MNAT1: variants seen among roughly 807,000 people sequenced by gnomAD.
MNAT1 encodes the protein CDK-activating kinase assembly factor MAT1.
A neutral mutation model predicts 42.0 loss-of-function variants in MNAT1; 43 were observed. That is an observed-to-expected ratio of 1.02 (90% confidence interval 0.80 to 1.32). MNAT1 has a LOEUF of 1.32. Among genes scored for constraint, MNAT1 ranks in the 40% most tolerant of loss-of-function variants. MNAT1 has a pLI of 0.00. For synonymous variants in MNAT1, 118 were observed against 120.0 expected (o/e 0.98, Z 0.11); for missense variants, 306 against 350.4 (o/e 0.87, Z 1.01).
intron 7 of MNAT1, among the ~76,000 whole-genome samples, chr14:60,946,055 C>A (rs1288859642): frequency 6.6e-6 from 1 of 152,182 alleles, no homozygotes; most frequent in Non-Finnish European, 1.5e-5. Flanking sequence ...GCTTTTGAGG[C>A]CAGTCCCACC....
intron 1 of MNAT1, among the ~76,000 whole-genome samples, chr14:60,741,970 T>C (rs1180572172): frequency 1.3e-5 from 2 of 152,138 alleles, no homozygotes; most frequent in Admixed American, 1.3e-4. Context: ...CATGTTTCCT[T>C]GTATTCCTTT....
intron 5 of MNAT1, among the ~76,000 whole-genome samples, chr14:60,818,488 A>G (rs149500763): frequency 5.4e-4 from 82 of 152,118 alleles, no homozygotes; most frequent in African/African-American, 1.9e-3. Context: ...TGAAATAGGA[A>G]CTTTTAATGT....
chr14:60,874,417 C>T (rs1161761228), intron 6 of MNAT1, among the ~76,000 whole-genome samples: 2 of 152,158 alleles, frequency 1.3e-5, no homozygotes, highest in Non-Finnish European at 2.9e-5. Flanking sequence ...CTTTTGTAGA[C>T]TTTGTCCTCT....
intron 7 of MNAT1, among the ~76,000 whole-genome samples, chr14:60,890,138 AGACACATGC>A (rs1405073401): frequency 6.6e-6 from 1 of 152,240 alleles, no homozygotes; most frequent in Non-Finnish European, 1.5e-5. Context: ...GCTGCTATAA[AGACACATGC>A]ACACATATGT....
At chr14:60,821,103 A>G (rs576191862) in intron 6 of MNAT1, among the ~76,000 whole-genome samples, 6 of 152,146 alleles carry the variant, frequency 3.9e-5, no homozygotes, top group Non-Finnish European at 8.8e-5. Context: ...TGACTATTCT[A>G]TCTAAAGTAT....
chr14:60,735,425 T>A (rs1228773425), intron 1 of MNAT1, among the ~76,000 whole-genome samples: 2 of 152,346 alleles, frequency 1.3e-5, no homozygotes, highest in East Asian at 1.9e-4. Context: ...CTTGTCCTGA[T>A]GGAGTTCGGT....
At chr14:60,811,036 T>C (rs2032526777) in intron 4 of MNAT1, among the ~76,000 whole-genome samples, 1 of 152,186 alleles carries the variant, frequency 6.6e-6, no homozygotes, top group South Asian at 2.1e-4. Context: ...TAGTTGTTTA[T>C]AATTGTTATA....
At chr14:60,873,746 C>T (rs988153340) in intron 6 of MNAT1, among the ~76,000 whole-genome samples, 3 of 151,262 alleles carry the variant, frequency 2.0e-5, no homozygotes, top group African/African-American at 7.3e-5. Context: ...GTTAAGACTA[C>T]AGGCATAAGC....
chr14:60,882,070 A>C (rs1181926776), intron 7 of MNAT1, among the ~76,000 whole-genome samples: 27 of 152,196 alleles, frequency 1.8e-4, no homozygotes, highest in Non-Finnish European at 1.5e-5. Context: ...CTGAGGCAGG[A>C]GAATCACTTG....
At chr14:60,858,347 G>A (rs1314305617) in intron 6 of MNAT1, among the ~76,000 whole-genome samples, 6 of 151,056 alleles carry the variant, frequency 4.0e-5, no homozygotes, top group Non-Finnish European at 7.4e-5. Context: ...TTTTTTTCAT[G>A]TGTTTGTTGG....
intron 5 of MNAT1, among the ~76,000 whole-genome samples, chr14:60,813,124 C>T (rs1253082508): frequency 6.6e-6 from 1 of 152,224 alleles, no homozygotes; most frequent in Non-Finnish European, 1.5e-5. Context: ...CTCACCTGGG[C>T]ACTGCCATGT....
intron 7 of MNAT1, among the ~76,000 whole-genome samples, chr14:60,907,322 A>G (rs1054644285): frequency 1.1e-4 from 16 of 151,312 alleles, no homozygotes; most frequent in Admixed American, 4.0e-4. Context: ...AGTCCCAGCT[A>G]CTCAGGAGGC....
At chr14:60,834,055 TTCTTC>T (rs1490758107) in intron 6 of MNAT1, among the ~76,000 whole-genome samples, 3 of 152,184 alleles carry the variant, frequency 2.0e-5, no homozygotes, top group African/African-American at 7.2e-5. Flanking sequence ...GTCTATTTGA[TTCTTC>T]TCTCTTGTTT....
intron 1 of MNAT1, among the ~76,000 whole-genome samples, chr14:60,764,584 A>G (rs970254646): frequency 2.6e-5 from 4 of 152,190 alleles, no homozygotes; most frequent in African/African-American, 9.6e-5. Flanking sequence ...ACAGATTTAG[A>G]TGGTAAATTG....
intron 7 of MNAT1, among the ~76,000 whole-genome samples, chr14:60,918,310 G>A (rs928152750): frequency 3.7e-5 from 5 of 134,046 alleles, no homozygotes; most frequent in Non-Finnish European, 4.6e-5. Flanking sequence ...CCGGGTTCAC[G>A]CCATTCTCCT....
chr14:60,857,136 A>G (rs1208421608), intron 6 of MNAT1, among the ~76,000 whole-genome samples: 2 of 152,258 alleles, frequency 1.3e-5, no homozygotes, highest in Admixed American at 1.3e-4. Context: ...CCTACTCTTC[A>G]GAAAAGATTT....
At chr14:60,908,036 C>T (rs1214139111) in intron 7 of MNAT1, among the ~76,000 whole-genome samples, 1 of 152,088 alleles carries the variant, frequency 6.6e-6, no homozygotes, top group Non-Finnish European at 1.5e-5. Context: ...CTAACTATAA[C>T]ATCTATTGAA....
chr14:60,822,475 C>T (rs1436648089), intron 6 of MNAT1, among the ~76,000 whole-genome samples: 10 of 152,050 alleles, frequency 6.6e-5, no homozygotes, highest in Non-Finnish European at 1.5e-5. Flanking sequence ...TTACTTCAAG[C>T]TGGAGTGCAG....
intron 3 of MNAT1, among the ~76,000 whole-genome samples, chr14:60,802,894 G>T (rs895436854): frequency 2.7e-5 from 4 of 148,950 alleles, no homozygotes; most frequent in South Asian, 2.1e-4. Flanking sequence ...CCACTTAGTT[G>T]TATGGCATTG....
Sources: gnomAD v4.1 joint callset for allele counts (sites outside exome capture counted in the v4.1 genomes callset) on GRCh38, gnomAD v4.1.1 for gene constraint, MANE v1.5 for transcripts, NCBI Gene and HGNC (gene_info 2026-07-23, HGNC 2026-07-21) for gene names.